Variants in DLG5 observed in about 807,000 individuals in gnomAD.
The protein encoded by DLG5 is discs large MAGUK scaffold protein 5.
Under a neutral mutation model 189.8 loss-of-function variants are expected in DLG5, and 48 were observed. The observed-to-expected ratio is 0.25, with a 90% confidence interval of 0.20 to 0.32. The LOEUF is 0.32. Among genes scored for constraint, DLG5 ranks in the 10% least tolerant of loss-of-function variants. DLG5 has a pLI of 1.00. For synonymous variants in DLG5, 1,016 were observed against 1,054.1 expected (o/e 0.96, Z 0.70); for missense variants, 2,160 against 2,544.7 (o/e 0.85, Z 3.25).
At chr10:77,861,617 C>T (rs1468483281) in intron 2 of DLG5, among the ~76,000 whole-genome samples, 1 of 152,228 alleles carries the variant, frequency 6.6e-6, no homozygotes, top group Non-Finnish European at 1.5e-5. Flanking sequence ...ACTGCCCAAG[C>T]ACTGGGTTCT....
chr10:77,824,330 C>A, intron 14 of DLG5, 54 bp downstream of exon 14: 1 of 1,363,374 alleles, frequency 7.3e-7, no homozygotes, highest in Non-Finnish European at 1.0e-6. Flanking sequence ...TATGTGGAGC[C>A]GGGGCTCTGC....
At chr10:77,939,729 C>T in the DLG5 span, among the ~76,000 whole-genome samples, 1 of 152,182 alleles carries the variant, frequency 6.6e-6, no homozygotes, top group African/African-American at 2.4e-5. Context: ...CTTCACTTTC[C>T]AGCTGGGAGC....
chr10:77,851,082 G>A (rs1374614944), intron 5 of DLG5, among the ~76,000 whole-genome samples: 3 of 152,232 alleles, frequency 2.0e-5, no homozygotes, highest in Non-Finnish European at 4.4e-5. Context: ...CTCAGGTGGG[G>A]GAAGTTACCA....
the DLG5 span, among the ~76,000 whole-genome samples, chr10:77,939,105 G>C: frequency 2.0e-3 from 312 of 152,272 alleles, no homozygotes; most frequent in African/African-American, 6.8e-3. Context: ...ACTTGAACCC[G>C]GGAGGCAGAG....
Position 77,805,739 on chromosome 10 carries a change from C to A in DLG5, c.5090G>T (p.Arg1697Leu), listed in dbSNP as rs142696061. The stretch of plus-strand genomic sequence containing the variant: ...GTCTTTCCCGTCCTTGGACCCGCTG[C>A]GTTTGTGCTTGTGTTTCCTCCGAAA... ...SFFRRKHKHK[R>L]SGSKDGKDLL... The change falls in exon 27 of 32, where the codon CGC becomes CTC. Residue 1697 changes from arginine (R) to leucine (L), a missense_variant. This residue lies in a region of DLG5 where 574 missense variants were observed against 644.2 expected (regional missense o/e 0.89). Coordinates refer to ENST00000372391, the MANE Select transcript of DLG5 (RefSeq NM_004747.4). 6.8e-6 allele frequency: 11 copies of A among 1,613,996 alleles called. No homozygotes were observed. The highest frequency in any genetic ancestry group is 5.0e-5 in the Admixed American group (3 of 59,998).
intron 11 of DLG5, among the ~76,000 whole-genome samples, 191 bp from the exon 12 acceptor site, chr10:77,829,721 T>A (rs945856371): frequency 6.6e-6 from 1 of 152,192 alleles, no homozygotes; most frequent in Non-Finnish European, 1.5e-5. Context: ...TGGGTTCAAA[T>A]CCTGGCCCTA....
At position 77,830,742 on chromosome 10, in the gene DLG5, G is replaced by A. The variant is rs779423863; in HGVS notation, c.1880C>T (p.Thr627Met). The change falls in exon 10 of 32, where the codon ACG becomes ATG. Residue 627 changes from threonine to methionine, a missense_variant and splice_region_variant. Physicochemically the swap from Thr to Met is moderately conservative, Grantham distance 81. This residue lies in a region of DLG5 where 664 missense variants were observed against 838.5 expected (regional missense o/e 0.79). Transcript: ENST00000372391. ...GAAGAACCATCAGAGGCAGCTTACC[G>A]TCTCCCTCTCGAACTCTACAACTTC... ...ETEVVEFERETEDIDLKALGF... is the reference protein window; with the variant it reads ...ETEVVEFEREMEDIDLKALGF... The A allele has an allele frequency of 5.0e-6, 8 of 1,613,864 alleles. No homozygotes were observed. Among genetic ancestry groups the A allele is most frequent in the Middle Eastern group, 1.6e-4 (1 of 6,082 alleles).
chr10:77,925,306 G>T (rs780498462), intron 1 of DLG5, among the ~76,000 whole-genome samples: 1 of 152,192 alleles, frequency 6.6e-6, no homozygotes, highest in East Asian at 1.9e-4. Flanking sequence ...CACAACAGTA[G>T]ATGCCCAATA....
At chr10:77,798,929 C>T (rs555724416) in intron 27 of DLG5, among the ~76,000 whole-genome samples, 90 of 152,234 alleles carry the variant, frequency 5.9e-4, no homozygotes, top group Non-Finnish European at 1.1e-3. Flanking sequence ...CAGTGTAATG[C>T]AGTGTAATCC....
intron 1 of DLG5, among the ~76,000 whole-genome samples, chr10:77,906,031 C>T (rs1039081874): frequency 6.6e-6 from 1 of 152,190 alleles, no homozygotes; most frequent in South Asian, 2.1e-4. Flanking sequence ...AGACTCATAC[C>T]CACCCATTAT....
chr10:77,855,667 C>T (rs1844194890), intron 3 of DLG5, among the ~76,000 whole-genome samples: 1 of 152,250 alleles, frequency 6.6e-6, no homozygotes, highest in Admixed American at 6.5e-5. Flanking sequence ...TTCACTCATC[C>T]TGCCTTCGGG....
At chr10:77,901,328 A>T (rs886980202) in intron 1 of DLG5, among the ~76,000 whole-genome samples, 1 of 152,146 alleles carries the variant, frequency 6.6e-6, no homozygotes, top group African/African-American at 2.4e-5. Flanking sequence ...TGACTTACAG[A>T]CCAAGAAACA....
intron 24 of DLG5, 102 bp from the exon 25 acceptor site, chr10:77,808,046 C>T: frequency 2.2e-6 from 3 of 1,388,668 alleles, no homozygotes; most frequent in Non-Finnish European, 2.9e-6. Flanking sequence ...ATTCAACATC[C>T]CTCCTTAACT....
At chr10:77,803,820 G>T (rs1260172966) in intron 27 of DLG5, among the ~76,000 whole-genome samples, 2 of 150,516 alleles carry the variant, frequency 1.3e-5, no homozygotes, top group Non-Finnish European at 2.9e-5. Flanking sequence ...GGAGGCCAAA[G>T]AGAGTGAAGG....
At chr10:77,815,431 G>C (rs1039405414) in intron 20 of DLG5, among the ~76,000 whole-genome samples, 1 of 152,166 alleles carries the variant, frequency 6.6e-6, no homozygotes, top group Non-Finnish European at 1.5e-5. Flanking sequence ...AGGCCGAGGC[G>C]GGTGGATCAC....
At chr10:77,871,447 C>T (rs1227389838) in intron 1 of DLG5, among the ~76,000 whole-genome samples, 1 of 151,844 alleles carries the variant, frequency 6.6e-6, no homozygotes, top group Non-Finnish European at 1.5e-5. Context: ...GCTCCACCTC[C>T]CATATCTGAA....
chr10:77,815,769 T>A (rs1320473238), intron 20 of DLG5, among the ~76,000 whole-genome samples: 2 of 152,230 alleles, frequency 1.3e-5, no homozygotes, highest in East Asian at 3.9e-4. Flanking sequence ...GTGTTTCTTT[T>A]GGTGATTAAA....
chr10:77,902,633 G>T (rs1029649228), intron 1 of DLG5, among the ~76,000 whole-genome samples: 13 of 152,128 alleles, frequency 8.5e-5, no homozygotes, highest in African/African-American at 2.9e-4. Flanking sequence ...GGCCGAGGTG[G>T]GCGGATCATG....
chr10:77,824,672 C>A, intron 13 of DLG5, 196 bp from the exon 14 acceptor site: 1 of 552,434 alleles, frequency 1.8e-6, no homozygotes, highest in Non-Finnish European at 3.2e-6. Context: ...GGTAGAGGAA[C>A]ACATAAGCCT....
Sources: allele counts gnomAD v4.1 joint callset (sites outside exome capture counted in the v4.1 genomes callset), GRCh38; gene constraint gnomAD v4.1.1; regional missense constraint gnomAD v4.1.1; transcripts MANE v1.5; gene names NCBI Gene and HGNC (gene_info 2026-07-23, HGNC 2026-07-21).